The following RNF182 variants were observed in gnomAD, a reference collection of about 807,000 sequenced individuals.
RNF182 encodes the protein E3 ubiquitin-protein ligase RNF182.
Under a neutral mutation model 14.4 loss-of-function variants are expected in RNF182, and 15 were observed. That is an observed-to-expected ratio of 1.04 (90% confidence interval 0.70 to 1.60). RNF182 has a LOEUF of 1.60. RNF182 is among the 40% of genes most tolerant of loss of function. The pLI is 0.00. For missense variants in RNF182, 268 were observed against 294.8 expected (o/e 0.91, Z 0.67); for synonymous variants, 128 against 122.9 (o/e 1.04, Z -0.27).
intron 1 of RNF182, among the ~76,000 whole-genome samples, chr6:13,967,033 T>C (rs922049159): frequency 6.6e-6 from 1 of 152,060 alleles, no homozygotes; most frequent in Admixed American, 6.5e-5. Flanking sequence ...AGACAGAGCT[T>C]TGCCTTGTTT....
chr6:13,949,727 C>CA (rs534978193), intron 1 of RNF182: 41 of 222,372 alleles, frequency 1.8e-4, no homozygotes, highest in Non-Finnish European at 3.0e-4. Flanking sequence ...GATATCTTCA[C>CA]AAAAATGGGT....
chr6:13,974,099 G>A (rs1760263331), intron 1 of RNF182, 111 bp from the exon 2 acceptor site: 1 of 152,092 alleles, frequency 6.6e-6, no homozygotes, highest in African/African-American at 2.4e-5. Context: ...GTTCTTTGAG[G>A]GATCTTAAAA....
chr6:13,951,596 C>A (rs946357791), intron 1 of RNF182, among the ~76,000 whole-genome samples: 11 of 152,182 alleles, frequency 7.2e-5, no homozygotes, highest in African/African-American at 2.4e-4. Context: ...TCTCATAATG[C>A]AAGTGATTTT....
chr6:13,950,058 A>T (rs1336255843), intron 1 of RNF182, among the ~76,000 whole-genome samples: 2 of 152,230 alleles, frequency 1.3e-5, no homozygotes, highest in Admixed American at 1.3e-4. Flanking sequence ...TAGGCAAGAA[A>T]CTTCTCACAT....
chr6:13,968,725 G>A (rs1206936977), intron 1 of RNF182, among the ~76,000 whole-genome samples: 2 of 152,034 alleles, frequency 1.3e-5, no homozygotes, highest in East Asian at 1.9e-4. Flanking sequence ...ACACACAAAG[G>A]CCACTAATAA....
chr6:13,953,891 C>G (rs1457104130), intron 1 of RNF182, among the ~76,000 whole-genome samples: 2 of 152,118 alleles, frequency 1.3e-5, no homozygotes, highest in East Asian at 3.9e-4. Flanking sequence ...ACTAAACATT[C>G]AGTAGGCATT....
intron 1 of RNF182, among the ~76,000 whole-genome samples, chr6:13,946,569 G>A (rs1318029140): frequency 6.6e-6 from 1 of 152,136 alleles, no homozygotes; most frequent in African/African-American, 2.4e-5. Context: ...TCCTGGGTCT[G>A]TTCAGTAAAC....
At chr6:13,974,572 G>T (rs1250617287) in intron 2 of RNF182, among the ~76,000 whole-genome samples, 1 of 152,084 alleles carries the variant, frequency 6.6e-6, no homozygotes, top group Non-Finnish European at 1.5e-5. Flanking sequence ...AAATAATTTA[G>T]GTTCACATAA....
intron 1 of RNF182, among the ~76,000 whole-genome samples, chr6:13,948,476 A>C (rs1228052820): frequency 2.0e-5 from 3 of 152,204 alleles, no homozygotes; most frequent in Non-Finnish European, 4.4e-5. Context: ...TGGAACACAT[A>C]CCAATAACAC....
At chr6:13,931,933 C>T (rs1224980459) in intron 1 of RNF182, among the ~76,000 whole-genome samples, 1 of 152,040 alleles carries the variant, frequency 6.6e-6, no homozygotes, top group African/African-American at 2.4e-5. Context: ...TAAAAGAGAC[C>T]CCAGAGAGGT....
chr6:13,960,645 G>GA (rs1491220843), intron 1 of RNF182, among the ~76,000 whole-genome samples: 2,875 of 93,414 alleles, frequency 0.031, 67 homozygotes, highest in East Asian at 0.19. Flanking sequence ...TTTTGATGGA[G>GA]GGAGAGAGAG....
chr6:13,940,180 T>C (rs1445166769), intron 1 of RNF182, among the ~76,000 whole-genome samples: 3 of 152,238 alleles, frequency 2.0e-5, no homozygotes, highest in African/African-American at 7.2e-5. Context: ...TAAGAAGATC[T>C]CTTATTTCTA....
intron 1 of RNF182, chr6:13,949,271 A>G: frequency 1.3e-6 from 1 of 781,012 alleles, no homozygotes; most frequent in Non-Finnish European, 2.4e-6. Context: ...CTCTGCTCCC[A>G]GACTTACCAC....
At chr6:13,938,144 C>T (rs1267603488) in intron 1 of RNF182, among the ~76,000 whole-genome samples, 1 of 147,436 alleles carries the variant, frequency 6.8e-6, no homozygotes, top group East Asian at 2.0e-4. Context: ...GGACTACAGG[C>T]GCCCGCCACC....
intron 1 of RNF182, among the ~76,000 whole-genome samples, chr6:13,959,314 A>C (rs1270224030): frequency 6.6e-6 from 1 of 152,204 alleles, no homozygotes; most frequent in African/African-American, 2.4e-5. Context: ...GCAGGAAAAC[A>C]ATAAGTTCAA....
intron 1 of RNF182, among the ~76,000 whole-genome samples, chr6:13,951,608 A>G (rs1286517271): frequency 1.3e-5 from 2 of 152,166 alleles, no homozygotes; most frequent in African/African-American, 4.8e-5. Flanking sequence ...AGTGATTTTG[A>G]CCATTCATTT....
chr6:13,966,921 C>T (rs1437325498), intron 1 of RNF182, among the ~76,000 whole-genome samples: 4 of 152,212 alleles, frequency 2.6e-5, no homozygotes, highest in East Asian at 1.9e-4. Context: ...ACTGCAGCCT[C>T]GGCCTCCTGG....
intron 1 of RNF182, among the ~76,000 whole-genome samples, chr6:13,958,979 C>T (rs896075516): frequency 6.6e-6 from 1 of 152,174 alleles, no homozygotes; most frequent in African/African-American, 2.4e-5. Flanking sequence ...GGCACCTCCC[C>T]TGTCTCTTGC....
chr6:13,969,424 G>A (rs933150664), intron 1 of RNF182, among the ~76,000 whole-genome samples: 4 of 152,226 alleles, frequency 2.6e-5, no homozygotes, highest in African/African-American at 9.6e-5. Context: ...CACCTTTGGA[G>A]AGAAGGGAGG....
Sources: gnomAD v4.1 joint callset for allele counts (sites outside exome capture counted in the v4.1 genomes callset) on GRCh38, gnomAD v4.1.1 for gene constraint, MANE v1.5 for transcripts, NCBI Gene and HGNC (gene_info 2026-07-23, HGNC 2026-07-21) for gene names.